TPRG1: variants seen among roughly 807,000 people sequenced by gnomAD.
TPRG1 encodes the protein tumor protein p63-regulated gene 1 protein.
A neutral mutation model predicts 29.3 loss-of-function variants in TPRG1; 29 were observed. The observed-to-expected ratio is 0.99, with a 90% CI of 0.74 to 1.35. The LOEUF is 1.35. TPRG1 is among the 40% of genes most tolerant of loss of function. The probability of loss-of-function intolerance (pLI) is 0.00; values close to 1 mark genes in which losing one functional copy is unlikely to be tolerated. For missense variants in TPRG1, 327 were observed against 335.0 expected (o/e 0.98, Z 0.19); for synonymous variants, 130 against 116.8 (o/e 1.11, Z -0.73).
At chr3:189,013,313 A>C (rs1346458211) in intron 3 of TPRG1, among the ~76,000 whole-genome samples, 1 of 152,086 alleles carries the variant, frequency 6.6e-6, no homozygotes, top group Non-Finnish European at 1.5e-5. Context: ...TTCAATTTCC[A>C]TGTAGTTGTA....
intron 4 of TPRG1, among the ~76,000 whole-genome samples, chr3:189,272,705 CT>C (rs1237981119): frequency 2.9e-5 from 4 of 136,486 alleles, no homozygotes; most frequent in Admixed American, 1.5e-4. Flanking sequence ...CTCTTTCTTT[CT>C]TTCTTTCTCC....
At chr3:189,086,174 G>A (rs767480773) in intron 4 of TPRG1, among the ~76,000 whole-genome samples, 76 of 152,102 alleles carry the variant, frequency 5.0e-4, no homozygotes, top group Admixed American at 1.1e-3. Flanking sequence ...AGAACTAGGA[G>A]TCTGATGTTC....
At chr3:189,088,868 A>G (rs1043505702) in intron 4 of TPRG1, among the ~76,000 whole-genome samples, 52 of 152,302 alleles carry the variant, frequency 3.4e-4, no homozygotes, top group African/African-American at 9.6e-4. Context: ...ACTTTTTAAA[A>G]AAGCAAGTTA....
chr3:189,111,685 AC>A (rs1720545105), intron 1 of TPRG1, among the ~76,000 whole-genome samples: 1 of 152,184 alleles, frequency 6.6e-6, no homozygotes, highest in African/African-American at 2.4e-5. Context: ...GCATTTGTAT[AC>A]AGTAACATGA....
At chr3:189,246,542 A>C (rs564428144) in intron 4 of TPRG1, among the ~76,000 whole-genome samples, 10 of 152,184 alleles carry the variant, frequency 6.6e-5, no homozygotes, top group Non-Finnish European at 1.0e-4. Flanking sequence ...AATTTAGATA[A>C]AATAGTCTTT....
At chr3:189,310,670 C>T (rs1044327414) in intron 5 of TPRG1, 131 bp downstream of exon 5, 13 of 434,160 alleles carry the variant, frequency 3.0e-5, no homozygotes, top group Middle Eastern at 7.0e-4. Context: ...AAAATAAAAC[C>T]AGCAATTTAT....
At chr3:189,061,114 C>T (rs904248160) in intron 4 of TPRG1, among the ~76,000 whole-genome samples, 3 of 152,116 alleles carry the variant, frequency 2.0e-5, no homozygotes, top group Non-Finnish European at 4.4e-5. Context: ...ACCAGTGAAA[C>T]AGAATAGAAA....
intron 4 of TPRG1, among the ~76,000 whole-genome samples, chr3:189,296,572 A>T (rs1047186011): frequency 6.6e-6 from 1 of 152,206 alleles, no homozygotes; most frequent in Admixed American, 6.5e-5. Context: ...TCACTGTTGT[A>T]GTATTGTTTC....
intron 4 of TPRG1, among the ~76,000 whole-genome samples, chr3:189,044,034 C>T (rs1345065351): frequency 6.6e-6 from 1 of 151,688 alleles, no homozygotes; most frequent in Non-Finnish European, 1.5e-5. Context: ...TCTGTGTCTG[C>T]TACAATAGTA....
At chr3:189,284,648 A>G (rs1433075220) in intron 4 of TPRG1, among the ~76,000 whole-genome samples, 2 of 152,138 alleles carry the variant, frequency 1.3e-5, no homozygotes, top group Non-Finnish European at 2.9e-5. Flanking sequence ...TATTGTGAAT[A>G]GTACCGCAAT....
intron 1 of TPRG1, among the ~76,000 whole-genome samples, chr3:189,112,662 G>T (rs1427404524): frequency 6.6e-6 from 1 of 151,776 alleles, no homozygotes; most frequent in Non-Finnish European, 1.5e-5. Flanking sequence ...TTTCTCTCAG[G>T]TTTGTCAAAG....
rs145359551 is a variant in TPRG1 at position 189,059,630 on chromosome 3, G to GA, written c.-463+35694dup. ...CAAAAACAAAATGAAAAAAACAAAG[G>GA]AAAAAAAAAAGGTCTGTGAGATAGT... On this transcript the variant is annotated intron_variant, in intron 4 of 10. Transcript: ENST00000433971. 6.5e-3 allele frequency among the ~76,000 whole-genome samples: 939 copies of GA among 144,582 alleles called. 4 individuals carry two copies. Among genetic ancestry groups the GA allele is most frequent in the Middle Eastern group, 0.032 (9 of 284 alleles). The allele number at this position is 144,582 out of a possible 152,430, so 94.9% of individuals were successfully genotyped here.
intron 4 of TPRG1, among the ~76,000 whole-genome samples, chr3:189,249,406 T>C (rs974683404): frequency 9.2e-5 from 14 of 151,952 alleles, no homozygotes; most frequent in African/African-American, 3.4e-4. Flanking sequence ...TGAACTTTCT[T>C]GGTATATCTT....
intron 1 of TPRG1, among the ~76,000 whole-genome samples, chr3:189,105,174 C>T (rs889091218): frequency 6.6e-6 from 1 of 151,958 alleles, no homozygotes. Flanking sequence ...TCTAATTGAT[C>T]GATAATTTGG....
intron 4 of TPRG1, among the ~76,000 whole-genome samples, chr3:189,026,429 C>T (rs115686854): frequency 6.6e-4 from 100 of 152,254 alleles, no homozygotes; most frequent in African/African-American, 2.2e-3. Context: ...TGGATTTTGA[C>T]ATATGAACTT....
chr3:189,284,610 G>C (rs1361134648), intron 4 of TPRG1, among the ~76,000 whole-genome samples: 1 of 151,954 alleles, frequency 6.6e-6, no homozygotes, highest in Non-Finnish European at 1.5e-5. Context: ...ATCATTGTTG[G>C]ACATTTGGGT....
intron 4 of TPRG1, among the ~76,000 whole-genome samples, chr3:189,243,302 A>G (rs1246776138): frequency 6.6e-6 from 1 of 152,144 alleles, no homozygotes; most frequent in African/African-American, 2.4e-5. Flanking sequence ...GGACAATACA[A>G]AGAGGATGAT....
chr3:189,198,880 A>G (rs1212891057), intron 1 of TPRG1, among the ~76,000 whole-genome samples: 1 of 152,142 alleles, frequency 6.6e-6, no homozygotes, highest in South Asian at 2.1e-4. Context: ...AATTCATCTC[A>G]AGGGATCTGT....
intron 5 of TPRG1, among the ~76,000 whole-genome samples, chr3:189,318,565 T>C (rs930115898): frequency 6.6e-6 from 1 of 152,112 alleles, no homozygotes; most frequent in Admixed American, 6.6e-5. Flanking sequence ...TACTTGGAAC[T>C]CAAATATATA....
Sources: gnomAD v4.1 joint callset for allele counts (sites outside exome capture counted in the v4.1 genomes callset) on GRCh38, gnomAD v4.1.1 for gene constraint, MANE v1.5 for transcripts, NCBI Gene and HGNC (gene_info 2026-07-23, HGNC 2026-07-21) for gene names.